PTPRD: variants seen among roughly 807,000 people sequenced by gnomAD.
The protein encoded by PTPRD is protein tyrosine phosphatase receptor type D.
A neutral mutation model predicts 214.5 loss-of-function variants in PTPRD; 34 were observed. The ratio of observed to expected loss-of-function variants is 0.16; its 90% CI spans 0.12 to 0.21. The LOEUF (loss-of-function observed/expected upper bound fraction) is 0.21. PTPRD is among the 10% of genes least tolerant of loss of function. The pLI is 1.00. For missense variants in PTPRD, 2,545 were observed against 2,398.7 expected, an observed-to-expected ratio of 1.06 and a Z score of -1.27; for synonymous variants, 1,128 against 845.7, an observed-to-expected ratio of 1.33 and a Z score of -5.79.
chr9:8,738,052 A>AT (rs1243411543), intron 11 of PTPRD, among the ~76,000 whole-genome samples: 1 of 152,214 alleles, frequency 6.6e-6, no homozygotes, highest in East Asian at 1.9e-4. Context: ...CTTATTTCTC[A>AT]TACCACAAAG....
Position 8,750,101 on chromosome 9 carries a change from C to CAAA in PTPRD, c.-103-16158_-103-16156dup, listed in dbSNP as rs560218570. ...TGGGCAACAGCATGAGACTCTGTCT[C>CAAA]AAAAAAAAAAAAGCAAGTTCCCTGA... On this transcript the variant is annotated intron_variant, in intron 11 of 45. Transcript: ENST00000381196. Among the ~76,000 whole-genome samples the CAAA allele has an allele frequency of 9.9e-3, 1,337 of 134,544 alleles. 13 individuals are homozygous for CAAA. The highest frequency in any genetic ancestry group is 0.034 in the African/African-American group (1,264 of 37,428). 88.3% of individuals were successfully genotyped at this position (134,544 alleles called of 152,430 possible). A position where few individuals can be genotyped will look rare whatever the true frequency, so the allele number is the denominator to read the frequency against.
At chr9:9,909,066 T>C (rs2078435542) in intron 5 of PTPRD, among the ~76,000 whole-genome samples, 1 of 135,336 alleles carries the variant, frequency 7.4e-6, no homozygotes, top group Admixed American at 7.5e-5. Flanking sequence ...TTTTCCAGGA[T>C]TGAAAAAGCA....
chr9:8,780,057 C>A (rs947096123), intron 11 of PTPRD, among the ~76,000 whole-genome samples: 4 of 151,974 alleles, frequency 2.6e-5, no homozygotes, highest in Admixed American at 1.3e-4. Context: ...CATAAGCCCT[C>A]AGTGCTCCAG....
intron 3 of PTPRD, among the ~76,000 whole-genome samples, chr9:10,059,232 G>A (rs2097712257): frequency 6.6e-6 from 1 of 152,080 alleles, no homozygotes; most frequent in South Asian, 2.1e-4. Context: ...GTTTAGACAT[G>A]TTCTTCACAT....
At chr9:9,291,885 A>G (rs1234358143) in intron 9 of PTPRD, among the ~76,000 whole-genome samples, 1 of 146,110 alleles carries the variant, frequency 6.8e-6, no homozygotes. Flanking sequence ...ATATGTGTGT[A>G]TGGTATATAT....
chr9:10,033,618 G>A (rs1477452652), intron 4 of PTPRD, 100 bp downstream of exon 4: 6 of 152,042 alleles, frequency 3.9e-5, no homozygotes, highest in Admixed American at 3.9e-4. Flanking sequence ...AAGCAATGAT[G>A]TTGACATCTT....
At chr9:9,385,965 G>C (rs890796282) in intron 9 of PTPRD, among the ~76,000 whole-genome samples, 4 of 152,114 alleles carry the variant, frequency 2.6e-5, no homozygotes, top group African/African-American at 9.7e-5. Context: ...CTTTGTATGT[G>C]TATCTATTTG....
chr9:8,607,108 C>A (rs958197785), intron 14 of PTPRD, among the ~76,000 whole-genome samples: 3 of 152,036 alleles, frequency 2.0e-5, no homozygotes, highest in Non-Finnish European at 2.9e-5. Context: ...TTCAAGAGAT[C>A]TATTGTAGAA....
At chr9:8,746,601 C>G (rs963271531) in intron 11 of PTPRD, among the ~76,000 whole-genome samples, 3 of 152,190 alleles carry the variant, frequency 2.0e-5, no homozygotes, top group Non-Finnish European at 4.4e-5. Flanking sequence ...GCTGTAGTAA[C>G]TTTCTCAACA....
At chr9:10,039,564 C>T (rs1052065773) in intron 3 of PTPRD, among the ~76,000 whole-genome samples, 4 of 151,936 alleles carry the variant, frequency 2.6e-5, no homozygotes, top group African/African-American at 9.7e-5. Flanking sequence ...AAAACATTTT[C>T]CTTATATAAA....
intron 35 of PTPRD, among the ~76,000 whole-genome samples, chr9:8,425,476 G>T (rs774808281): frequency 2.6e-4 from 40 of 152,060 alleles, no homozygotes; most frequent in Non-Finnish European, 3.7e-4. Context: ...CACAGAATAT[G>T]TTGGGAACCC....
At chr9:9,628,867 T>G (rs2095501763) in intron 7 of PTPRD, among the ~76,000 whole-genome samples, 1 of 151,826 alleles carries the variant, frequency 6.6e-6, no homozygotes, top group Non-Finnish European at 1.5e-5. Flanking sequence ...ATATAATGAT[T>G]TTATTTCTAT....
At chr9:9,929,919 A>G (rs574273592) in intron 5 of PTPRD, among the ~76,000 whole-genome samples, 3 of 152,332 alleles carry the variant, frequency 2.0e-5, no homozygotes, top group East Asian at 1.9e-4. Flanking sequence ...TTTGGATGAC[A>G]TGGGTCACAA....
At chr9:8,757,602 T>G (rs1285545764) in intron 11 of PTPRD, among the ~76,000 whole-genome samples, 1 of 148,508 alleles carries the variant, frequency 6.7e-6, no homozygotes, top group Admixed American at 6.8e-5. Context: ...GTTAGAATTC[T>G]GCATATATAT....
chr9:9,156,641 G>C (rs141096976), intron 10 of PTPRD, among the ~76,000 whole-genome samples: 1 of 152,036 alleles, frequency 6.6e-6, no homozygotes, highest in Non-Finnish European at 1.5e-5. Context: ...TCACAGCGGC[G>C]TCATGTATTT....
intron 3 of PTPRD, among the ~76,000 whole-genome samples, chr9:10,262,205 T>C (rs1463901308): frequency 2.0e-5 from 3 of 151,868 alleles, no homozygotes; most frequent in African/African-American, 7.3e-5. Context: ...TAATTTGTGC[T>C]TTTCAAGAAA....
intron 3 of PTPRD, among the ~76,000 whole-genome samples, chr9:10,163,973 T>C (rs1247795887): frequency 6.6e-6 from 1 of 151,464 alleles, no homozygotes; most frequent in African/African-American, 2.4e-5. Context: ...TTGTAGTCTA[T>C]ATGGCAATGA....
intron 10 of PTPRD, among the ~76,000 whole-genome samples, chr9:9,101,546 T>A (rs74694971): frequency 0.011 from 1,725 of 152,280 alleles, 25 homozygotes; most frequent in African/African-American, 0.039. Context: ...TTGCTCAAGA[T>A]TGTCATGACT....
chr9:10,026,214 T>C (rs2096920382), intron 4 of PTPRD, among the ~76,000 whole-genome samples: 1 of 152,162 alleles, frequency 6.6e-6, no homozygotes, highest in African/African-American at 2.4e-5. Context: ...AAGCCAAACA[T>C]TCTAAAACTG....
Sources: gnomAD v4.1 joint callset for allele counts (sites outside exome capture counted in the v4.1 genomes callset) on GRCh38, gnomAD v4.1.1 for gene constraint, MANE v1.5 for transcripts, NCBI Gene and HGNC (gene_info 2026-07-23, HGNC 2026-07-21) for gene names.